The following LYST variants were observed in gnomAD, a reference collection of about 807,000 sequenced individuals.
LYST encodes the protein lysosomal trafficking regulator.
A neutral mutation model predicts 413.6 loss-of-function variants in LYST; 192 were observed. That is an observed-to-expected ratio of 0.46 (90% CI 0.41 to 0.52). The LOEUF is 0.52. Ranked by LOEUF, LYST falls within the 20% of genes least tolerant of loss-of-function variation. The probability of loss-of-function intolerance (pLI) is 0.00; values close to 1 mark genes in which losing one functional copy is unlikely to be tolerated. For synonymous variants in LYST, 1,525 were observed against 1,567.3 expected (o/e 0.97, Z 0.64); for missense variants, 3,815 against 4,499.9 (o/e 0.85, Z 4.35).
At chr1:235,841,950 C>A (rs144039032) in intron 1 of LYST, among the ~76,000 whole-genome samples, 19 of 152,198 alleles carry the variant, frequency 1.2e-4, no homozygotes, top group African/African-American at 4.6e-4. Flanking sequence ...GTAGTGATGA[C>A]AGACAAAATA....
intron 22 of LYST, among the ~76,000 whole-genome samples, chr1:235,760,075 A>G (rs1346393107): frequency 6.6e-6 from 1 of 152,230 alleles, no homozygotes. Context: ...TGCTGAATTT[A>G]AGTGAATTAA....
chr1:235,739,492 A>G (rs1392987748), intron 31 of LYST, among the ~76,000 whole-genome samples: 2 of 152,174 alleles, frequency 1.3e-5, no homozygotes, highest in African/African-American at 4.8e-5. Context: ...TATTTTGTGA[A>G]CTATATATAT....
Position 235,697,190 on chromosome 1 carries a change from C to G in LYST, c.10457G>C (p.Ser3486Thr), listed in dbSNP as rs143632723. The G allele has an allele frequency of 1.4e-5, 22 of 1,614,066 alleles. No homozygotes were observed. Among genetic ancestry groups the G allele is most frequent in the Non-Finnish European group, 1.9e-5 (22 of 1,180,032 alleles). Residue 3486 changes from serine to threonine, a missense_variant, in exon 46 of 53, where the codon AGC becomes ACC. This residue lies in a region of LYST where 866 missense variants were observed against 1,156.0 expected (regional missense o/e 0.75). Coordinates refer to ENST00000389793, the MANE Select transcript of LYST (RefSeq NM_000081.4). ...GCCAAATCTTTCTCCGTGGGGCTGGCTGAAGCAGACCACAGGTACTGGAGC... is the reference window on the plus strand; with the variant it reads ...GCCAAATCTTTCTCCGTGGGGCTGGGTGAAGCAGACCACAGGTACTGGAGC... ...PSAPVPVVCF[S>T]QPHGERFGSL...
intron 29 of LYST, among the ~76,000 whole-genome samples, chr1:235,744,945 A>T (rs373149336): frequency 6.6e-6 from 1 of 151,962 alleles, no homozygotes; most frequent in East Asian, 1.9e-4. Flanking sequence ...AAAGCTAAAA[A>T]AATAATAATA....
At chr1:235,719,031 T>G (rs1354151309) in intron 40 of LYST, among the ~76,000 whole-genome samples, 1 of 152,208 alleles carries the variant, frequency 6.6e-6, no homozygotes, top group Non-Finnish European at 1.5e-5. Flanking sequence ...CTATTTTTAT[T>G]TTTTGAGACG....
chr1:235,717,120 C>G (rs942414351), intron 40 of LYST, among the ~76,000 whole-genome samples: 5 of 152,144 alleles, frequency 3.3e-5, no homozygotes, highest in Admixed American at 3.3e-4. Flanking sequence ...CTAGACCAAG[C>G]CCTGAAAGTT....
intron 2 of LYST, among the ~76,000 whole-genome samples, chr1:235,832,221 A>T (rs947982660): frequency 1.3e-5 from 2 of 152,238 alleles, no homozygotes; most frequent in Admixed American, 6.5e-5. Context: ...AGCACTGACA[A>T]TGTGAAAGTC....
rs1340309655 is a variant in LYST at position 235,782,087 on chromosome 1, C to T, written c.4863G>A (p.Arg1621=). ...TAAAATCCAAAGTAACATCAGGCTT[C>T]CTACATTAAAAACAAAACAAAGTTA... ...GKISIWVSGQ[R]KPDVTLDFML... The change falls in exon 15 of 53, where the codon AGG becomes AGA. Residue 1621 remains arginine (R), a splice_region_variant and synonymous_variant. Transcript: ENST00000389793. 2 of 1,610,848 alleles carry T rather than the reference C, an allele frequency of 1.2e-6. No individual in the cohort carries two copies.
chr1:235,737,918 T>TGC, intron 31 of LYST: 1 of 1,164,684 alleles, frequency 8.6e-7, no homozygotes, highest in Non-Finnish European at 1.1e-6. Flanking sequence ...TGCCGACGAG[T>TGC]CTGGATCTCA....
At chr1:235,795,605 T>G (rs1671475691) in intron 10 of LYST, among the ~76,000 whole-genome samples, 1 of 152,216 alleles carries the variant, frequency 6.6e-6, no homozygotes, top group Admixed American at 6.5e-5. Context: ...AAAGCTCTCT[T>G]CATTAGGGTG....
Position 235,702,833 on chromosome 1 carries a change from C to A in LYST, c.10288G>T (p.Glu3430Ter). ...CCCACAGCAGCTGGAAGCTCTCCTTCAATATTGAGCTTGGCTCCAGGTCTG... is the reference window on the plus strand; with the variant it reads ...CCCACAGCAGCTGGAAGCTCTCCTTAAATATTGAGCTTGGCTCCAGGTCTG... Reference protein sequence around the residue: ...VSRPGAKLNIEGELPAAVGLL... With the variant: ...VSRPGAKLNI The change falls in exon 45 of 53, where the codon GAA (glutamate) becomes TAA (stop). Residue 3430 changes from glutamate to a stop codon, truncating the protein, a stop_gained. Transcript: ENST00000389793. LOFTEE classifies it high-confidence loss of function. The A allele has an allele frequency of 3.1e-6, 5 of 1,614,218 alleles. No individual in the cohort carries two copies. The highest frequency in any genetic ancestry group is 4.2e-6 in the Non-Finnish European group (5 of 1,180,022).
chr1:235,738,092 T>C, intron 31 of LYST: 3 of 1,605,420 alleles, frequency 1.9e-6, no homozygotes, highest in Admixed American at 3.3e-5. Context: ...TTGGTGCTCT[T>C]GGCATGGCCT....
intron 2 of LYST, among the ~76,000 whole-genome samples, chr1:235,832,828 G>A (rs1676135753): frequency 6.6e-6 from 1 of 152,086 alleles, no homozygotes; most frequent in South Asian, 2.1e-4. Context: ...CATATTTCTT[G>A]TTAGGTTTAC....
intron 31 of LYST, among the ~76,000 whole-genome samples, chr1:235,739,961 A>AT (rs1167996684): frequency 6.6e-6 from 1 of 152,218 alleles, no homozygotes; most frequent in Non-Finnish European, 1.5e-5. Flanking sequence ...GAAAGGGAAG[A>AT]TGGTATGAGA....
At chr1:235,713,679 C>A (rs547342315) in intron 42 of LYST, among the ~76,000 whole-genome samples, 6 of 152,306 alleles carry the variant, frequency 3.9e-5, no homozygotes, top group Admixed American at 3.3e-4. Flanking sequence ...AAACGTCCTA[C>A]AATGCACAGG....
In LYST at chr1:235,839,071, C is replaced by T. The variant is rs542542176; in HGVS notation, c.-97-5404G>A. 8.7e-4 allele frequency among the ~76,000 whole-genome samples: 133 copies of T among 152,214 alleles called. 1 individual carries two copies. The highest frequency in any genetic ancestry group is 1.6e-3 in the Non-Finnish European group (110 of 68,014). The stretch of plus-strand genomic sequence containing the variant: ...AACTTCTGGGCTCAAGTGAACCTCC[C>T]GCCTTGACTTCCCAAAGTGTTGGGA... On this transcript the variant is annotated intron_variant, in intron 1 of 52. Coordinates refer to ENST00000389793, the MANE Select transcript of LYST (RefSeq NM_000081.4).
At chr1:235,775,215 TC>T in intron 17 of LYST, 129 bp from the exon 18 acceptor site, 1 of 719,122 alleles carries the variant, frequency 1.4e-6, no homozygotes, top group Non-Finnish European at 2.4e-6. Flanking sequence ...ATGCTCATAC[TC>T]TACCTATGTA....
intron 4 of LYST, among the ~76,000 whole-genome samples, chr1:235,811,182 A>G (rs1431482974): frequency 7.9e-5 from 12 of 152,184 alleles, no homozygotes; most frequent in African/African-American, 2.4e-4. Flanking sequence ...CAGAGTTAAG[A>G]AAGTAAATCT....
intron 31 of LYST, among the ~76,000 whole-genome samples, chr1:235,740,017 C>T (rs1056326650): frequency 2.0e-5 from 3 of 152,116 alleles, no homozygotes; most frequent in African/African-American, 7.2e-5. Context: ...TGGATAGCAA[C>T]TTTGCTGAGT....
Sources: gnomAD v4.1 joint callset for allele counts (sites outside exome capture counted in the v4.1 genomes callset) on GRCh38, gnomAD v4.1.1 for gene constraint, gnomAD v4.1.1 regional missense constraint, MANE v1.5 for transcripts, NCBI Gene and HGNC (gene_info 2026-07-23, HGNC 2026-07-21) for gene names.